The following TNS3 variants were observed in gnomAD, a reference collection of about 807,000 sequenced individuals.
The protein encoded by TNS3 is tensin-3.
Under a neutral mutation model 140.9 loss-of-function variants are expected in TNS3, and 45 were observed. The observed-to-expected ratio is 0.32, with a 90% confidence interval of 0.25 to 0.41. TNS3 has a LOEUF of 0.41. TNS3 is among the 10% of genes least tolerant of loss of function. The pLI is 1.00. For missense variants in TNS3, 1,716 were observed against 1,906.7 expected, an observed-to-expected ratio of 0.90 and a Z score of 1.86; for synonymous variants, 815 against 788.4, an observed-to-expected ratio of 1.03 and a Z score of -0.56.
intron 8 of TNS3, among the ~76,000 whole-genome samples, chr7:47,431,833 A>T (rs536578670): frequency 3.3e-5 from 5 of 152,330 alleles, no homozygotes; most frequent in African/African-American, 1.2e-4. Flanking sequence ...GAAATGAAAG[A>T]GCAGTCATCA....
At chr7:47,495,988 G>C (rs1005581852) in intron 3 of TNS3, among the ~76,000 whole-genome samples, 3 of 152,278 alleles carry the variant, frequency 2.0e-5, no homozygotes, top group Middle Eastern at 3.4e-3. Context: ...GGTCAGAGAG[G>C]AAGAGCTGTG....
chr7:47,402,715 C>T (rs1793228876), intron 13 of TNS3, among the ~76,000 whole-genome samples: 2 of 152,208 alleles, frequency 1.3e-5, no homozygotes, highest in South Asian at 4.1e-4. Flanking sequence ...TAGCACCCAC[C>T]TTTCCCTGTC....
At chr7:47,404,395 AATG>A (rs1276139028) in intron 13 of TNS3, among the ~76,000 whole-genome samples, 3 of 152,210 alleles carry the variant, frequency 2.0e-5, no homozygotes, top group African/African-American at 7.2e-5. Context: ...ATTATCCAAT[AATG>A]ATATGCTATA....
At chr7:47,542,143 A>G (rs1170847293) in intron 1 of TNS3, among the ~76,000 whole-genome samples, 2 of 152,214 alleles carry the variant, frequency 1.3e-5, no homozygotes, top group Non-Finnish European at 2.9e-5. Flanking sequence ...CATAGTCTCT[A>G]AATACTTTCC....
chr7:47,422,429 C>T (rs1329928475), intron 10 of TNS3, among the ~76,000 whole-genome samples: 1 of 152,060 alleles, frequency 6.6e-6, no homozygotes, highest in Non-Finnish European at 1.5e-5. Context: ...GCCTGGGCAA[C>T]ACAGTGAGAC....
intron 27 of TNS3, among the ~76,000 whole-genome samples, chr7:47,290,508 A>T (rs1306738656): frequency 6.6e-6 from 1 of 152,258 alleles, no homozygotes; most frequent in African/African-American, 2.4e-5. Context: ...AACAATAAGA[A>T]AACAAAACCC....
In TNS3 at chr7:47,411,714, A is replaced by C. The variant is rs769333837; in HGVS notation, c.723+13T>G. 1 of 1,607,344 alleles carries C rather than the reference A, an allele frequency of 6.2e-7. No homozygotes were observed. Among genetic ancestry groups the C allele is most frequent in the Admixed American group, 1.7e-5 (1 of 59,348 alleles). ...GGGACACCAACCCATCTGCGGCCAC[A>C]GCGGGCACTCACCATGACATCTCCC... On this transcript the variant is annotated intron_variant, in intron 13 of 30. Coordinates refer to ENST00000311160, the MANE Select transcript of TNS3 (RefSeq NM_022748.12).
chr7:47,298,748 G>A (rs750385516), intron 23 of TNS3, among the ~76,000 whole-genome samples: 5 of 152,196 alleles, frequency 3.3e-5, no homozygotes, highest in Non-Finnish European at 5.9e-5. Context: ...AGGCCTGACC[G>A]GACCCACAGC....
rs111964533 is a variant in TNS3 at position 47,399,745 on chromosome 7, C to T, written c.919+648G>A. Among the ~76,000 whole-genome samples, 6 of 152,288 alleles carry T rather than the reference C, an allele frequency of 3.9e-5. 1 individual carries two copies. Among genetic ancestry groups the T allele is most frequent in the African/African-American group, 1.4e-4 (6 of 41,564 alleles). On this transcript the variant is annotated intron_variant, in intron 15 of 30. Coordinates refer to ENST00000311160, the MANE Select transcript of TNS3 (RefSeq NM_022748.12). ...AGTCTAGAAGACAACCTAGGAAAAA[C>T]TCTTCTGGACATTTGCCTAGGCAAA... is the stretch of plus-strand genomic sequence containing the variant.
intron 20 of TNS3, among the ~76,000 whole-genome samples, chr7:47,312,022 T>G (rs922691890): frequency 9.2e-5 from 14 of 152,214 alleles, no homozygotes; most frequent in Non-Finnish European, 2.1e-4. Flanking sequence ...GTACTAATGT[T>G]CTGTTTGTAT....
At chr7:47,543,193 C>T (rs982939251) in intron 1 of TNS3, among the ~76,000 whole-genome samples, 1 of 152,222 alleles carries the variant, frequency 6.6e-6, no homozygotes, top group Non-Finnish European at 1.5e-5. Flanking sequence ...GTGCAGCCAG[C>T]TTGTGCTCCA....
At chr7:47,374,669 C>A (rs1361367631) in intron 16 of TNS3, among the ~76,000 whole-genome samples, 1 of 152,230 alleles carries the variant, frequency 6.6e-6, no homozygotes, top group Non-Finnish European at 1.5e-5. Context: ...GGAGCCCGCA[C>A]CCTGCTGTTT....
At chr7:47,477,769 C>G (rs569278912) in intron 4 of TNS3, among the ~76,000 whole-genome samples, 1 of 152,286 alleles carries the variant, frequency 6.6e-6, no homozygotes, top group East Asian at 1.9e-4. Context: ...TCAGCCCAGA[C>G]AGGATCAGGA....
chr7:47,304,234 C>T (rs1786607728), intron 21 of TNS3, among the ~76,000 whole-genome samples: 1 of 152,208 alleles, frequency 6.6e-6, no homozygotes, highest in Non-Finnish European at 1.5e-5. Flanking sequence ...TGGAAATTAC[C>T]AACCACTTAC....
chr7:47,533,894 A>G (rs1799508975), intron 1 of TNS3, among the ~76,000 whole-genome samples: 1 of 152,178 alleles, frequency 6.6e-6, no homozygotes, highest in African/African-American at 2.4e-5. Flanking sequence ...CTGTGAGTCC[A>G]TTAAATCCTT....
intron 1 of TNS3, among the ~76,000 whole-genome samples, chr7:47,547,314 G>C (rs1799948754): frequency 6.6e-6 from 1 of 152,138 alleles, no homozygotes. Context: ...AGAGATAAGG[G>C]GCCTGTGTCG....
intron 1 of TNS3, chr7:47,579,792 A>G: frequency 1.0e-6 from 1 of 975,584 alleles, no homozygotes; most frequent in African/African-American, 1.8e-5. Context: ...AGTCCTAAGC[A>G]GATATAAGCT....
chr7:47,555,401 CAAA>C (rs59842217), intron 1 of TNS3, among the ~76,000 whole-genome samples: 36 of 117,830 alleles, frequency 3.1e-4, no homozygotes, highest in Middle Eastern at 4.5e-3. Context: ...GACTTTGTCT[CAAA>C]AAAAAAAAAA....
chr7:47,411,442 G>C (rs1793761752), intron 13 of TNS3, among the ~76,000 whole-genome samples: 1 of 152,114 alleles, frequency 6.6e-6, no homozygotes, highest in Non-Finnish European at 1.5e-5. Context: ...GTTCACAATA[G>C]GGTTCGCACT....
Sources: allele counts gnomAD v4.1 joint callset (sites outside exome capture counted in the v4.1 genomes callset), GRCh38; gene constraint gnomAD v4.1.1; transcripts MANE v1.5; gene names NCBI Gene and HGNC (gene_info 2026-07-23, HGNC 2026-07-21).